The following CMIP variants were observed in gnomAD, a reference collection of about 807,000 sequenced individuals.
The protein encoded by CMIP is C-Maf-inducing protein.
Under a neutral mutation model 97.3 loss-of-function variants are expected in CMIP, and 13 were observed. The observed-to-expected ratio is 0.13, with a 90% CI of 0.09 to 0.21. CMIP has a LOEUF of 0.21. Among genes scored for constraint, CMIP ranks in the 10% least tolerant of loss-of-function variants. The pLI is 1.00. For synonymous variants in CMIP, 538 were observed against 436.3 expected (o/e 1.23, Z -2.91); for missense variants, 847 against 1,024.9 (o/e 0.83, Z 2.37).
rs575542814 is a variant in CMIP, at chr16:81,536,855, C to T, written c.301-70712C>T. Among the ~76,000 whole-genome samples, 5 of 152,188 alleles carry T rather than the reference C, an allele frequency of 3.3e-5. No individual in the cohort carries two copies. In the South Asian group the frequency reaches 6.2e-4, roughly 19 times the overall value. On this transcript the variant is annotated intron_variant, in intron 1 of 20. Coordinates refer to ENST00000537098, the MANE Select transcript of CMIP (RefSeq NM_198390.3). ...TCAGTGAATTTTTGCCAACTCAGCA[C>T]GCACGTGTAACCAGCGCCCAAATCA...
intron 1 of CMIP, among the ~76,000 whole-genome samples, chr16:81,530,599 G>C (rs2090214324): frequency 6.6e-6 from 1 of 152,008 alleles, no homozygotes; most frequent in Admixed American, 6.6e-5. Context: ...CCTTTATTCA[G>C]CTTTCCTCAC....
intron 1 of CMIP, among the ~76,000 whole-genome samples, chr16:81,524,995 C>T (rs1023480003): frequency 6.6e-6 from 1 of 152,030 alleles, no homozygotes; most frequent in Non-Finnish European, 1.5e-5. Context: ...GGGGTTACAC[C>T]ATGTTGGACA....
intron 1 of CMIP, among the ~76,000 whole-genome samples, chr16:81,448,566 A>G (rs973896889): frequency 6.6e-6 from 1 of 152,104 alleles, no homozygotes; most frequent in African/African-American, 2.4e-5. Context: ...CCTGCCTGTA[A>G]ACTTTGCCTC....
At chr16:81,507,437 AC>A (rs1472637523) in intron 1 of CMIP, among the ~76,000 whole-genome samples, 1 of 152,218 alleles carries the variant, frequency 6.6e-6, no homozygotes, top group African/African-American at 2.4e-5. Flanking sequence ...ATGTGTGTCC[AC>A]TTGACTTGTG....
chr16:81,470,260 A>G (rs560658904), intron 1 of CMIP, among the ~76,000 whole-genome samples: 44 of 152,352 alleles, frequency 2.9e-4, no homozygotes, highest in African/African-American at 1.0e-3. Context: ...GGATGCTGGG[A>G]GAGAGCCCCA....
At chr16:81,498,177 G>T (rs79080135) in intron 1 of CMIP, among the ~76,000 whole-genome samples, 1,634 of 152,326 alleles carry the variant, frequency 0.011, 22 homozygotes, top group Non-Finnish European at 0.017. Context: ...ATAGAACTCG[G>T]CTTCCTTGTC....
intron 1 of CMIP, among the ~76,000 whole-genome samples, chr16:81,544,603 A>T (rs1431959463): frequency 6.6e-6 from 1 of 151,476 alleles, no homozygotes; most frequent in Non-Finnish European, 1.5e-5. Flanking sequence ...GCAGGGTGCC[A>T]GGACCACCAC....
chr16:81,633,532 G>C (rs1156417659), intron 3 of CMIP, among the ~76,000 whole-genome samples: 1 of 152,264 alleles, frequency 6.6e-6, no homozygotes, highest in East Asian at 1.9e-4. Flanking sequence ...GTTTGGGAGA[G>C]AGGATAATTG....
chr16:81,668,415 G>GCAAGCAC (rs1198652288), intron 7 of CMIP, among the ~76,000 whole-genome samples: 1 of 152,148 alleles, frequency 6.6e-6, no homozygotes, highest in Admixed American at 6.5e-5. Context: ...TCTGCTCCTG[G>GCAAGCAC]CAAGCCCCAA....
chr16:81,634,971 C>G (rs541647378), intron 3 of CMIP, among the ~76,000 whole-genome samples: 1 of 152,188 alleles, frequency 6.6e-6, no homozygotes, highest in Non-Finnish European at 1.5e-5. Flanking sequence ...AGAGAGTTCC[C>G]TTTATCAGGC....
At chr16:81,527,619 G>A (rs564354203) in intron 1 of CMIP, among the ~76,000 whole-genome samples, 5 of 152,174 alleles carry the variant, frequency 3.3e-5, no homozygotes, top group East Asian at 1.9e-4. Flanking sequence ...CTCCTCCCCC[G>A]CGATAACTCT....
In CMIP at chr16:81,701,743, C is replaced by T. The variant is rs201360947; in HGVS notation, c.1839C>T (p.Asp613=). 141 of 1,613,850 alleles carry T rather than the reference C, an allele frequency of 8.7e-5. No individual in the cohort carries two copies. Among genetic ancestry groups the T allele is most frequent in the African/African-American group, 5.3e-5 (4 of 75,050 alleles). ...TCATCTCAACCCTGGAGAGCACAGA[C>T]GTGGGGAAGCGCATGTACGAGCAGC... The part of the protein sequence containing the change: ...LQIISTLEST[D]VGKRMYEQLC... Residue 613 remains aspartate (D), a synonymous_variant, in exon 16 of 21, where the codon GAC becomes GAT. Transcript: ENST00000537098.
chr16:81,636,911 A>G (rs528897773), intron 3 of CMIP, among the ~76,000 whole-genome samples: 1 of 145,392 alleles, frequency 6.9e-6, no homozygotes, highest in South Asian at 2.2e-4. Context: ...TAGATTATGC[A>G]TGTATTTGCT....
intron 1 of CMIP, among the ~76,000 whole-genome samples, chr16:81,526,527 G>A (rs996191292): frequency 4.6e-5 from 7 of 152,202 alleles, no homozygotes; most frequent in African/African-American, 1.7e-4. Context: ...CTTGTTATAC[G>A]ATGGATTAAT....
At chr16:81,692,568 C>T (rs1013019694) in intron 11 of CMIP, among the ~76,000 whole-genome samples, 4 of 152,224 alleles carry the variant, frequency 2.6e-5, no homozygotes, top group Non-Finnish European at 5.9e-5. Flanking sequence ...GAAATGCTGC[C>T]TCTGTAAGGG....
At chr16:81,585,318 G>A (rs1567594613) in intron 1 of CMIP, among the ~76,000 whole-genome samples, 1 of 152,186 alleles carries the variant, frequency 6.6e-6, no homozygotes. Context: ...TCCAGCCTGG[G>A]CAAAAGAGTA....
chr16:81,546,151 T>G (rs1469881199), intron 1 of CMIP, among the ~76,000 whole-genome samples: 1 of 152,104 alleles, frequency 6.6e-6, no homozygotes, highest in Non-Finnish European at 1.5e-5. Context: ...TGAAACCTCG[T>G]GGGGGCATCC....
intron 1 of CMIP, among the ~76,000 whole-genome samples, chr16:81,490,063 A>G (rs572652431): frequency 4.6e-5 from 7 of 152,260 alleles, no homozygotes; most frequent in African/African-American, 1.4e-4. Context: ...AGACCTGTGG[A>G]CACGCCTGCA....
chr16:81,450,616 G>A (rs1414167969), intron 1 of CMIP, among the ~76,000 whole-genome samples: 4 of 152,148 alleles, frequency 2.6e-5, no homozygotes, highest in Non-Finnish European at 5.9e-5. Flanking sequence ...CTAAAAATGG[G>A]TGGCCTCCAG....
Sources: allele counts gnomAD v4.1 joint callset (sites outside exome capture counted in the v4.1 genomes callset), GRCh38; gene constraint gnomAD v4.1.1; transcripts MANE v1.5; gene names NCBI Gene and HGNC (gene_info 2026-07-23, HGNC 2026-07-21).